The following ERCC6L2 variants were observed in gnomAD, a reference collection of about 807,000 sequenced individuals.
The protein encoded by ERCC6L2 is DNA excision repair protein ERCC-6-like 2.
Under a neutral mutation model 132.0 loss-of-function variants are expected in ERCC6L2, and 77 were observed. The ratio of observed to expected loss-of-function variants is 0.58; its 90% CI spans 0.49 to 0.71. The LOEUF is 0.71. ERCC6L2 is among the 30% of genes least tolerant of loss of function. The pLI is 0.00. For synonymous variants in ERCC6L2, 583 were observed against 632.4 expected (o/e 0.92, Z 1.17); for missense variants, 1,542 against 1,837.6 (o/e 0.84, Z 2.94).
At chr9:95,977,933 T>A in intron 16 of ERCC6L2, 128 bp from the exon 17 acceptor site, 1 of 540,874 alleles carries the variant, frequency 1.8e-6, no homozygotes. Context: ...CTCTTTTCAA[T>A]ATTTTTCCTA....
In ERCC6L2 at chr9:95,966,663, C is replaced by A; in HGVS notation, c.2049C>A (p.Asn683Lys). The change falls in exon 14 of 19, where the codon AAC becomes AAA. Residue 683 changes from asparagine to lysine, a missense_variant. This residue lies in a region of ERCC6L2 where 945 missense variants were observed against 1,105.2 expected (regional missense o/e 0.86). Transcript: ENST00000653738. ...EHQGELFGIH[N>K]LFKFRSQGSC... Reference sequence around the variant, plus strand: ...AAGGAGAGCTTTTTGGGATCCATAACCTCTTCAAATTTAGGTCCCAAGGGT... The same window carrying A: ...AAGGAGAGCTTTTTGGGATCCATAAACTCTTCAAATTTAGGTCCCAAGGGT... The A allele has an allele frequency of 6.6e-7, 1 of 1,524,796 alleles. No homozygotes were observed. Among genetic ancestry groups the A allele is most frequent in the Non-Finnish European group, 8.9e-7 (1 of 1,118,808 alleles). 94.5% of individuals were successfully genotyped at this position (1,524,796 alleles called of 1,614,324 possible). A position where few individuals can be genotyped will look rare whatever the true frequency, so the allele number is the denominator to read the frequency against.
At chr9:95,903,660 A>G (rs894438487) in intron 3 of ERCC6L2, among the ~76,000 whole-genome samples, 2 of 152,146 alleles carry the variant, frequency 1.3e-5, no homozygotes, top group African/African-American at 2.4e-5. Context: ...CAATTGATGA[A>G]TGAATTAATA....
At chr9:95,948,490 T>C (rs1831168334) in intron 12 of ERCC6L2, among the ~76,000 whole-genome samples, 1 of 152,110 alleles carries the variant, frequency 6.6e-6, no homozygotes. Flanking sequence ...CCATCTCTAC[T>C]AAAATTACTA....
chr9:95,953,285 A>C (rs892841862), intron 12 of ERCC6L2, among the ~76,000 whole-genome samples: 2 of 152,198 alleles, frequency 1.3e-5, no homozygotes, highest in Non-Finnish European at 2.9e-5. Flanking sequence ...CTATTTAGAA[A>C]CAACAATGAG....
At chr9:95,886,704 TAGTG>T (rs1827887545) in intron 2 of ERCC6L2, among the ~76,000 whole-genome samples, 1 of 152,240 alleles carries the variant, frequency 6.6e-6, no homozygotes, top group South Asian at 2.1e-4. Flanking sequence ...TGATGGTTAC[TAGTG>T]AGTGTCAACT....
chr9:95,885,275 T>A (rs1005689735), intron 2 of ERCC6L2, among the ~76,000 whole-genome samples: 4 of 152,246 alleles, frequency 2.6e-5, no homozygotes, highest in African/African-American at 7.2e-5. Flanking sequence ...CCATCTTTTG[T>A]TGCATTTTAA....
chr9:95,915,582 T>G, intron 4 of ERCC6L2, 86 bp from the exon 5 acceptor site: 1 of 1,364,682 alleles, frequency 7.3e-7, no homozygotes, highest in Non-Finnish European at 1.0e-6. Flanking sequence ...TTCCAAAACT[T>G]TGATAGAGAA....
intron 15 of ERCC6L2, among the ~76,000 whole-genome samples, chr9:95,971,311 T>C (rs1482750365): frequency 1.3e-5 from 2 of 152,180 alleles, no homozygotes; most frequent in Non-Finnish European, 2.9e-5. Context: ...TATCAGATAA[T>C]ACTTTCCGCA....
intron 1 of ERCC6L2, among the ~76,000 whole-genome samples, chr9:95,880,444 G>A (rs1474164338): frequency 6.6e-6 from 1 of 152,152 alleles, no homozygotes; most frequent in African/African-American, 2.4e-5. Context: ...ATATGTTCAT[G>A]AGTCAGGAAG....
At chr9:95,919,124 G>A (rs375353964) in intron 6 of ERCC6L2, among the ~76,000 whole-genome samples, 1 of 151,934 alleles carries the variant, frequency 6.6e-6, no homozygotes, top group East Asian at 1.9e-4. Context: ...GCCTCCCAAA[G>A]TGCTTGGATT....
chr9:96,018,931 T>G (rs1280057843), downstream of ERCC6L2, among the ~76,000 whole-genome samples: 3 of 152,226 alleles, frequency 2.0e-5, no homozygotes, highest in Non-Finnish European at 4.4e-5. Context: ...TCAAGAATGC[T>G]TCTTTCTACA....
chr9:96,021,967 C>G (rs1334384130), downstream of ERCC6L2, among the ~76,000 whole-genome samples: 1 of 152,148 alleles, frequency 6.6e-6, no homozygotes, highest in Non-Finnish European at 1.5e-5. The surrounding 1 kb of genome is among the most constrained non-coding windows in gnomAD (Gnocchi z 4.7). Flanking sequence ...CAGGCCGAAC[C>G]CCTGCGGCCC....
intron 11 of ERCC6L2, among the ~76,000 whole-genome samples, chr9:95,940,324 A>C (rs2132870484): frequency 6.6e-6 from 1 of 152,116 alleles, no homozygotes; most frequent in Admixed American, 6.5e-5. Context: ...GGCTAAAGGG[A>C]AAAGGCTTTT....
rs1161336554 is a variant in ERCC6L2 at position 95,972,246 on chromosome 9, A to G, written c.2495A>G (p.Lys832Arg). The G allele has an allele frequency of 1.5e-6, 2 of 1,304,262 alleles. No individual in the cohort carries two copies. The highest frequency in any genetic ancestry group is 2.0e-6 in the Non-Finnish European group (2 of 988,940). The allele number at this position is 1,304,262 out of a possible 1,614,324, so 80.8% of individuals were successfully genotyped here. A position where few individuals can be genotyped will look rare whatever the true frequency, so the allele number is the denominator to read the frequency against. The change falls in exon 16 of 19, where the codon AAA becomes AGA. Residue 832 changes from lysine (K) to arginine (R), a missense_variant. Lys to Arg is a conservative substitution (Grantham distance 26). Around this residue, in one of 4 missense-constraint regions of ERCC6L2, gnomAD observed 945 missense variants for 1,105.2 expected, o/e 0.86. Transcript: ENST00000653738. ...EQPTCLSTEAKDAGCEKNQDS... is the reference protein window; with the variant it reads ...EQPTCLSTEARDAGCEKNQDS... ...CCCACATGCCTTTCAACAGAAGCCA[A>G]AGATGCTGGTTGTGAGAAAAATCAG...
intron 17 of ERCC6L2, among the ~76,000 whole-genome samples, chr9:95,997,237 C>T (rs1260073039): frequency 6.6e-6 from 1 of 152,178 alleles, no homozygotes; most frequent in Non-Finnish European, 1.5e-5. Context: ...AAAATATCTA[C>T]ATTAACAGAA....
At chr9:95,961,816 G>A (rs1831916491) in intron 13 of ERCC6L2, among the ~76,000 whole-genome samples, 1 of 152,100 alleles carries the variant, frequency 6.6e-6, no homozygotes, top group Non-Finnish European at 1.5e-5. Flanking sequence ...TGGCTGGGGA[G>A]GCCTCACAAT....
Position 95,946,401 on chromosome 9 carries a change from G to A in ERCC6L2, c.1847+4852G>A, listed in dbSNP as rs558282224. 1.2e-4 allele frequency among the ~76,000 whole-genome samples: 18 copies of A among 152,194 alleles called. No individual in the cohort carries two copies. The South Asian group carries it at 2.9e-3, about 25-fold the overall frequency. The stretch of plus-strand genomic sequence containing the variant: ...AAATTAGCCAAGCGTGATGGCAGGC[G>A]CTTGTAGTCCCAGCTACTTGGGAGG... On this transcript the variant is annotated intron_variant, in intron 12 of 18. Coordinates refer to ENST00000653738, the MANE Select transcript of ERCC6L2 (RefSeq NM_020207.7).
chr9:95,911,540 ATTTAT>A (rs1012873614), intron 4 of ERCC6L2, among the ~76,000 whole-genome samples: 1 of 152,034 alleles, frequency 6.6e-6, no homozygotes, highest in Non-Finnish European at 1.5e-5. Flanking sequence ...TTTTATATTT[ATTTAT>A]TTAGTTGAAT....
At chr9:95,896,064 GTCAA>G (rs1448831414) in intron 2 of ERCC6L2, among the ~76,000 whole-genome samples, 1 of 152,022 alleles carries the variant, frequency 6.6e-6, no homozygotes, top group Admixed American at 6.6e-5. Flanking sequence ...GTTTCATAAT[GTCAA>G]TCAATGTACA....
Sources: gnomAD v4.1 joint callset for allele counts (sites outside exome capture counted in the v4.1 genomes callset) on GRCh38, gnomAD v4.1.1 for gene constraint, gnomAD v4.1.1 regional missense constraint, Gnocchi (gnomAD v3.1) non-coding constraint, MANE v1.5 for transcripts, NCBI Gene and HGNC (gene_info 2026-07-23, HGNC 2026-07-21) for gene names.